The following PDHA1 variants were observed in gnomAD, a reference collection of about 807,000 sequenced individuals.
PDHA1 encodes pyruvate dehydrogenase E1 subunit alpha 1.
A neutral mutation model predicts 33.0 loss-of-function variants in PDHA1; 1 was observed. That is an observed-to-expected ratio of 0.03 (90% CI 0.01 to 0.14). The LOEUF (loss-of-function observed/expected upper bound fraction) is 0.14. PDHA1 is among the 10% of genes least tolerant of loss of function. PDHA1 has a pLI of 1.00. For synonymous variants in PDHA1, 123 were observed against 119.2 expected (o/e 1.03, Z -0.21); for missense variants, 168 against 325.1 (o/e 0.52, Z 3.72).
At position 19,361,347 on chromosome X, in the gene PDHA1, A is replaced by G; in HGVS notation, c.*1694A>G. 1 of 1,203,751 alleles carries G rather than the reference A, an allele frequency of 8.3e-7. No individual in the cohort carries two copies. The highest frequency in any genetic ancestry group is 1.1e-6 in the Non-Finnish European group (1 of 889,160). Reference sequence around the variant, plus strand: ...TGTTTTGAGGCTCTTACCGTAGTCGAAGGTATCTTAGATCTTCCTTAGTGA... The same window carrying G: ...TGTTTTGAGGCTCTTACCGTAGTCGGAGGTATCTTAGATCTTCCTTAGTGA... On this transcript the variant is annotated 3_prime_UTR_variant, in exon 11 of 11. Transcript: ENST00000422285.
chrX:19,353,363 C>G, intron 5 of PDHA1, 190 bp downstream of exon 5: 1 of 478,078 alleles, frequency 2.1e-6, no homozygotes, highest in Non-Finnish European at 3.8e-6. Context: ...TTCCTGTCGC[C>G]TAGTGATGTT....
At chrX:19,354,346 CAGAG>C in intron 5 of PDHA1, 141 bp from the exon 6 acceptor site, 3 of 512,796 alleles carry the variant, frequency 5.9e-6, no homozygotes, top group Middle Eastern at 3.2e-4. Context: ...GTGGGATAAA[CAGAG>C]AGATAGGGTT....
intron 6 of PDHA1, among the ~76,000 whole-genome samples, 189 bp downstream of exon 6, chrX:19,354,772 C>T (rs754649316): frequency 6.2e-5 from 7 of 112,851 alleles, no homozygotes; most frequent in Admixed American, 1.9e-4. Flanking sequence ...AAGAGACTTA[C>T]GGGGGCACAT....
In PDHA1 at chrX:19,343,978, C is replaced by T; in HGVS notation, c.-60C>T. On this transcript the variant is annotated 5_prime_UTR_variant, in exon 1 of 11. Coordinates refer to ENST00000422285, the MANE Select transcript of PDHA1 (RefSeq NM_000284.4). ...GGGGCACCTGAAGGAGACTTGGGGGCACCCGCGTCGTGCCTCCTGGGTTGT... is the reference window on the plus strand; with the variant it reads ...GGGGCACCTGAAGGAGACTTGGGGGTACCCGCGTCGTGCCTCCTGGGTTGT... The T allele has an allele frequency of 1.8e-6, 2 of 1,084,238 alleles. No individual in the cohort carries two copies. Among genetic ancestry groups the T allele is most frequent in the Non-Finnish European group, 2.6e-6 (2 of 784,285 alleles). The allele number at this position is 1,084,238 out of a possible 1,213,427, so 89.4% of individuals were successfully genotyped here.
intron 4 of PDHA1, 108 bp from the exon 5 acceptor site, chrX:19,352,974 G>GA: frequency 1.6e-6 from 1 of 628,372 alleles, no homozygotes; most frequent in East Asian, 3.2e-5. Context: ...GACTGAACTG[G>GA]CCTCTGTGTT....
rs1355712112 is a variant in PDHA1, at chrX:19,359,834, A to ATTATTGAGTGCTTAAAGATTATTT, written c.*184_*207dup. On this transcript the variant is annotated 3_prime_UTR_variant, in exon 11 of 11. Transcript: ENST00000422285. ...TGTACATTAGTGCATTAAAAGATGA[A>ATTATTGAGTGCTTAAAGATTATTT]TTATTGAGTGCTTAAAGATTATTTT... is the stretch of plus-strand genomic sequence containing the variant. The ATTATTGAGTGCTTAAAGATTATTT allele has an allele frequency of 1.4e-5, 7 of 487,624 alleles. No individual in the cohort carries two copies. The highest frequency in any genetic ancestry group is 2.5e-5 in the Non-Finnish European group (7 of 275,048). The allele number at this position is 487,624 out of a possible 1,213,427, so 40.2% of individuals were successfully genotyped here.
intron 10 of PDHA1, 115 bp from the exon 11 acceptor site, chrX:19,359,374 C>CTGTTCGTACTTGTAGTTAA: frequency 1.7e-6 from 1 of 597,907 alleles, no homozygotes. Flanking sequence ...GAATTAGCAA[C>CTGTTCGTACTTGTAGTTAA]TGTTCGTACT....
At position 19,351,753 on chromosome X, in the gene PDHA1, C is replaced by T. The variant is rs1281646072; in HGVS notation, c.418+346C>T. 2.8e-5 allele frequency among the ~76,000 whole-genome samples: 3 copies of T among 108,392 alleles called. No individual in the cohort carries two copies. In the East Asian group the frequency reaches 8.6e-4, roughly 31 times the overall value. The allele number at this position is 108,392 out of a possible 115,157, so 94.1% of individuals were successfully genotyped here. On this transcript the variant is annotated intron_variant, in intron 4 of 10. Coordinates refer to ENST00000422285, the MANE Select transcript of PDHA1 (RefSeq NM_000284.4). The stretch of plus-strand genomic sequence containing the variant: ...AAATTCTAGAAATCTTCTTAATATT[C>T]CCCTTTTCTTTGTCCCCCGTGACTA...
chrX:19,347,474 T>C (rs758467269), intron 1 of PDHA1, among the ~76,000 whole-genome samples: 42 of 112,924 alleles, frequency 3.7e-4, no homozygotes, highest in Non-Finnish European at 6.9e-4. Context: ...GCAGTCCTAA[T>C]CTTTGCAGGC....
At chrX:19,355,606 A>C in intron 7 of PDHA1, 80 bp from the exon 8 acceptor site, 1 of 1,132,675 alleles carries the variant, frequency 8.8e-7, no homozygotes, top group East Asian at 3.0e-5. Flanking sequence ...TTTCATTCTC[A>C]TACAGGAGCA....
intron 4 of PDHA1, chrX:19,352,704 A>G (rs1026903450): frequency 3.4e-5 from 7 of 207,389 alleles, no homozygotes; most frequent in Non-Finnish European, 6.2e-5. Context: ...TGGCTGAAAA[A>G]AAATCTGTGT....
chrX:19,358,304 A>C (rs1419895888), intron 9 of PDHA1, among the ~76,000 whole-genome samples: 2 of 112,417 alleles, frequency 1.8e-5, no homozygotes, highest in Non-Finnish European at 3.8e-5. Flanking sequence ...AATCATGTAG[A>C]GAGCACAGTA....
intron 5 of PDHA1, among the ~76,000 whole-genome samples, chrX:19,353,952 T>A (rs1948745688): frequency 9.0e-6 from 1 of 111,418 alleles, no homozygotes; most frequent in Non-Finnish European, 1.9e-5. Flanking sequence ...AAACCTAGGT[T>A]TTATTTTTCC....
At chrX:19,351,181 C>A in intron 3 of PDHA1, 100 bp from the exon 4 acceptor site, 1 of 829,372 alleles carries the variant, frequency 1.2e-6, no homozygotes, top group Non-Finnish European at 1.8e-6. Flanking sequence ...TTATTAATGA[C>A]AGGTTCTACT....
intron 2 of PDHA1, among the ~76,000 whole-genome samples, 178 bp from the exon 3 acceptor site, chrX:19,349,759 C>T (rs761757610): frequency 8.9e-6 from 1 of 112,101 alleles, no homozygotes; most frequent in African/African-American, 3.2e-5. Context: ...CAAGCCCCAT[C>T]TCATTGCACA....
chrX:19,349,451 T>C (rs2063152153), intron 2 of PDHA1, 80 bp downstream of exon 2: 11 of 614,635 alleles, frequency 1.8e-5, no homozygotes, highest in Non-Finnish European at 3.0e-5. Context: ...ATAGAACATT[T>C]TGATGTTCAT....
chrX:19,344,573 T>C (rs2063117979), intron 1 of PDHA1, among the ~76,000 whole-genome samples: 1 of 113,490 alleles, frequency 8.8e-6, no homozygotes, highest in South Asian at 3.5e-4. Flanking sequence ...GAGCAAGTTT[T>C]TAAACGTCCC....
In PDHA1 at chrX:19,357,535, T is replaced by G. The variant is rs778013969; in HGVS notation, c.832-117T>G. On this transcript the variant is annotated intron_variant, in intron 8 of 10. Transcript: ENST00000422285. ...AAGAAATTCGTGACAACTCAGAAGA[T>G]CTGATAAGACTACACTGGACGCTTA... The G allele has an allele frequency of 2.9e-5, 17 of 592,762 alleles. No homozygotes were observed. The Middle Eastern group carries it at 1.1e-3, about 37-fold the overall frequency. 48.9% of individuals were successfully genotyped at this position (592,762 alleles called of 1,213,427 possible). A position where few individuals can be genotyped will look rare whatever the true frequency, so the allele number is the denominator to read the frequency against.
Position 19,357,640 on chromosome X carries a change from G to A in PDHA1, c.832-12G>A, listed in dbSNP as rs2063212913. On this transcript the variant is annotated splice_polypyrimidine_tract_variant and intron_variant, in intron 8 of 10. Coordinates refer to ENST00000422285, the MANE Select transcript of PDHA1 (RefSeq NM_000284.4). Reference sequence around the variant, plus strand: ...TTCCTAACTAACTAACTGCCTACCGGTTCTGTTTTAGGGGCCCATCCTGAT... The same window carrying A: ...TTCCTAACTAACTAACTGCCTACCGATTCTGTTTTAGGGGCCCATCCTGAT... 2 of 1,200,325 alleles carry A rather than the reference G, an allele frequency of 1.7e-6. No homozygotes were observed. The highest frequency in any genetic ancestry group is 1.8e-5 in the African/African-American group (1 of 56,891).
Sources: allele counts gnomAD v4.1 joint callset (sites outside exome capture counted in the v4.1 genomes callset), GRCh38; gene constraint gnomAD v4.1.1; transcripts MANE v1.5; gene names NCBI Gene and HGNC (gene_info 2026-07-23, HGNC 2026-07-21).